The following AGBL1 variants were observed in gnomAD, a reference collection of about 807,000 sequenced individuals.
The protein encoded by AGBL1 is AGBL carboxypeptidase 1.
A neutral mutation model predicts 118.9 loss-of-function variants in AGBL1; 130 were observed. That is an observed-to-expected ratio of 1.09 (90% CI 0.95 to 1.26). The LOEUF is 1.26. AGBL1 is among the 50% of genes most tolerant of loss of function. The pLI, the probability that AGBL1 is intolerant of heterozygous loss-of-function variation, is 0.00. For synonymous variants in AGBL1, 555 were observed against 478.9 expected (o/e 1.16, Z -2.08); for missense variants, 1,584 against 1,298.1 (o/e 1.22, Z -3.38).
At chr15:86,973,963 T>C (rs1317391822) in intron 23 of AGBL1, among the ~76,000 whole-genome samples, 24 of 141,514 alleles carry the variant, frequency 1.7e-4, no homozygotes, top group Non-Finnish European at 3.2e-4. Flanking sequence ...AATATAAACA[T>C]ATTTAATATA....
chr15:86,618,979 T>C (rs1415728843), intron 21 of AGBL1, among the ~76,000 whole-genome samples: 5 of 152,130 alleles, frequency 3.3e-5, no homozygotes, highest in African/African-American at 1.2e-4. Context: ...TCATTAGAGA[T>C]CATTTAGGTT....
rs547469563 is a variant in AGBL1 at position 86,220,059 on chromosome 15, C to A, written c.489-4855C>A. ...CTCTACTGCCTGGGTTCAAGCAATT[C>A]TCCTGCCTCAGCCTCACAAGTAACT... On this transcript the variant is annotated intron_variant, in intron 5 of 22. Transcript: ENST00000614907. 1.5e-4 allele frequency among the ~76,000 whole-genome samples: 21 copies of A among 144,518 alleles called. No homozygotes were observed. The East Asian group carries it at 4.7e-3, about 33-fold the overall frequency. The allele number at this position is 144,518 out of a possible 152,430, so 94.8% of individuals were successfully genotyped here.
At chr15:86,429,216 C>T (rs1290557019) in intron 18 of AGBL1, among the ~76,000 whole-genome samples, 1 of 152,180 alleles carries the variant, frequency 6.6e-6, no homozygotes, top group African/African-American at 2.4e-5. Flanking sequence ...GGCAAGAAAA[C>T]AAATATGCAA....
At chr15:86,665,509 C>A (rs1304323404) in intron 21 of AGBL1, among the ~76,000 whole-genome samples, 1 of 152,062 alleles carries the variant, frequency 6.6e-6, no homozygotes, top group African/African-American at 2.4e-5. Flanking sequence ...TATATCAAAG[C>A]AAATTAACAT....
chr15:86,177,974 G>A (rs2077503607), intron 5 of AGBL1, among the ~76,000 whole-genome samples: 1 of 152,070 alleles, frequency 6.6e-6, no homozygotes, highest in Non-Finnish European at 1.5e-5. Context: ...AAAACAATAA[G>A]CAATTCAATC....
intron 11 of AGBL1, 128 bp from the exon 12 acceptor site, chr15:86,266,246 T>C: frequency 3.7e-6 from 2 of 545,896 alleles, no homozygotes; most frequent in Middle Eastern, 2.8e-4. Flanking sequence ...AAAGTTGAGG[T>C]GTTATTAAAC....
intron 17 of AGBL1, among the ~76,000 whole-genome samples, chr15:86,302,516 C>G (rs916494263): frequency 6.6e-6 from 1 of 151,892 alleles, no homozygotes; most frequent in Non-Finnish European, 1.5e-5. Flanking sequence ...GTGGCTCATG[C>G]CTGTAATCCC....
intron 17 of AGBL1, among the ~76,000 whole-genome samples, chr15:86,351,315 C>A (rs1016162842): frequency 6.6e-6 from 1 of 152,132 alleles, no homozygotes; most frequent in South Asian, 2.1e-4. Context: ...TTAATGAGGG[C>A]AAAGTCCTTA....
chr15:86,929,204 T>C (rs1417862570), intron 23 of AGBL1, among the ~76,000 whole-genome samples: 1 of 152,190 alleles, frequency 6.6e-6, no homozygotes, highest in Non-Finnish European at 1.5e-5. Context: ...TCTTGAAACA[T>C]TCTCTTAATA....
chr15:86,536,727 A>G (rs1175217296), intron 19 of AGBL1, among the ~76,000 whole-genome samples: 1 of 152,060 alleles, frequency 6.6e-6, no homozygotes, highest in Non-Finnish European at 1.5e-5. Flanking sequence ...AGGGGAGGGG[A>G]AAATAGGAGG....
At chr15:86,786,497 G>A (rs12916881) in intron 22 of AGBL1, among the ~76,000 whole-genome samples, 56,558 of 151,996 alleles carry the variant, frequency 0.37, 12,217 homozygotes, top group Non-Finnish European at 0.51. Context: ...AAATATAATA[G>A]ACACATACAT....
At chr15:86,198,213 G>A (rs1195591162) in intron 5 of AGBL1, among the ~76,000 whole-genome samples, 5 of 152,166 alleles carry the variant, frequency 3.3e-5, no homozygotes, top group Admixed American at 6.5e-5. Flanking sequence ...TTTGGAATGG[G>A]AATGCCTGTC....
chr15:86,410,220 C>G (rs2081589133), intron 18 of AGBL1, among the ~76,000 whole-genome samples: 1 of 152,226 alleles, frequency 6.6e-6, no homozygotes, highest in South Asian at 2.1e-4. Flanking sequence ...TTGGTAGTTA[C>G]TCTCAGGGGT....
At chr15:86,256,703 G>A in intron 7 of AGBL1, 150 bp from the exon 8 acceptor site, 1 of 719,454 alleles carries the variant, frequency 1.4e-6, no homozygotes, top group Non-Finnish European at 2.2e-6. Context: ...CATTAAGGCT[G>A]TTTACGGTCT....
intron 17 of AGBL1, among the ~76,000 whole-genome samples, chr15:86,343,079 A>G (rs1303103365): frequency 1.3e-5 from 2 of 151,974 alleles, no homozygotes; most frequent in African/African-American, 2.4e-5. Context: ...GGGTTTTTAC[A>G]TTTTTCTTGA....
chr15:86,997,841 A>G (rs943711430), intron 24 of AGBL1, among the ~76,000 whole-genome samples: 1 of 151,420 alleles, frequency 6.6e-6, no homozygotes, highest in African/African-American at 2.4e-5. Context: ...GACATATTTC[A>G]TAACTCCTTA....
intron 15 of AGBL1, among the ~76,000 whole-genome samples, chr15:86,274,878 CTGTGGT>C (rs1307322300): frequency 6.6e-6 from 1 of 152,108 alleles, no homozygotes; most frequent in Non-Finnish European, 1.5e-5. Context: ...TATTTTCTGC[CTGTGGT>C]CAGTTGATCA....
chr15:86,488,822 C>T (rs1293071726), intron 18 of AGBL1, among the ~76,000 whole-genome samples: 1 of 152,072 alleles, frequency 6.6e-6, no homozygotes, highest in African/African-American at 2.4e-5. Context: ...GGGCTTTCCT[C>T]TTCCTTTGCA....
intron 23 of AGBL1, among the ~76,000 whole-genome samples, chr15:86,937,978 A>G (rs2098458706): frequency 6.6e-6 from 1 of 152,172 alleles, no homozygotes; most frequent in South Asian, 2.1e-4. Flanking sequence ...GTAAGGTCTG[A>G]TGTATTAAAT....
Sources: allele counts gnomAD v4.1 joint callset (sites outside exome capture counted in the v4.1 genomes callset), GRCh38; gene constraint gnomAD v4.1.1; transcripts MANE v1.5; gene names NCBI Gene and HGNC (gene_info 2026-07-23, HGNC 2026-07-21).